Variants in GRID1 observed in about 807,000 individuals in gnomAD.
The protein encoded by GRID1 is glutamate ionotropic receptor delta type subunit 1, also known as glutamate receptor ionotropic, delta-1.
A neutral mutation model predicts 98.0 loss-of-function variants in GRID1; 28 were observed. The observed-to-expected ratio is 0.29, with a 90% CI of 0.21 to 0.39. The LOEUF (loss-of-function observed/expected upper bound fraction) is 0.39, where lower values mean the gene tolerates loss of function less well. GRID1 is among the 10% of genes least tolerant of loss of function. The pLI is 1.00. For missense variants in GRID1, 1,111 were observed against 1,340.5 expected (o/e 0.83, Z 2.67); for synonymous variants, 553 against 538.5 (o/e 1.03, Z -0.37).
Position 86,351,146 on chromosome 10 carries a change from C to T in GRID1, c.235+12795G>A, listed in dbSNP as rs76421617. 7.6e-3 allele frequency among the ~76,000 whole-genome samples: 1,158 copies of T among 152,324 alleles called. 17 individuals carry two copies. The highest frequency in any genetic ancestry group is 0.026 in the African/African-American group (1,094 of 41,560). On this transcript the variant is annotated intron_variant, in intron 2 of 15. Transcript: ENST00000327946. Reference sequence around the variant, plus strand: ...GTGAGATTCCTGGGCCAGCTGCAAGCGCCACTCAGGTGACTGTCCATGAGG... The same window carrying T: ...GTGAGATTCCTGGGCCAGCTGCAAGTGCCACTCAGGTGACTGTCCATGAGG...
intron 12 of GRID1, among the ~76,000 whole-genome samples, chr10:85,694,128 C>T (rs2132613906): frequency 6.6e-6 from 1 of 152,228 alleles, no homozygotes; most frequent in South Asian, 2.1e-4. Context: ...AATGAACAAA[C>T]ACTTTTCAAA....
intron 13 of GRID1, among the ~76,000 whole-genome samples, chr10:85,630,400 G>A (rs1198752585): frequency 6.6e-6 from 1 of 152,126 alleles, no homozygotes; most frequent in Non-Finnish European, 1.5e-5. Flanking sequence ...ACAACAACAC[G>A]TTATTCTCAT....
chr10:86,129,857 C>A (rs957166801), intron 4 of GRID1, among the ~76,000 whole-genome samples: 1 of 152,268 alleles, frequency 6.6e-6, no homozygotes, highest in African/African-American at 2.4e-5. Context: ...GGAGGAGTCT[C>A]TTTCCCCTGC....
intron 5 of GRID1, among the ~76,000 whole-genome samples, chr10:85,900,249 G>A (rs1011557547): frequency 7.2e-5 from 11 of 152,286 alleles, no homozygotes; most frequent in South Asian, 2.1e-4. Context: ...GTACATGTGC[G>A]TGCAGGCGCG....
At chr10:86,276,303 G>A (rs1692606657) in intron 2 of GRID1, among the ~76,000 whole-genome samples, 1 of 152,086 alleles carries the variant, frequency 6.6e-6, no homozygotes, top group South Asian at 2.1e-4. Flanking sequence ...GTTTATCTCA[G>A]TGACCAAATT....
intron 8 of GRID1, among the ~76,000 whole-genome samples, chr10:85,763,247 G>T (rs185068241): frequency 6.6e-6 from 1 of 152,076 alleles, no homozygotes. Context: ...TGGAATAAAG[G>T]AAGGCACACC....
chr10:85,805,091 A>G (rs1842611821), intron 8 of GRID1, among the ~76,000 whole-genome samples: 1 of 151,426 alleles, frequency 6.6e-6, no homozygotes, highest in African/African-American at 2.4e-5. Context: ...ATACTAGAAT[A>G]TAGGAACATA....
intron 6 of GRID1, among the ~76,000 whole-genome samples, 182 bp from the exon 7 acceptor site, chr10:85,856,372 A>G (rs1843109961): frequency 6.6e-6 from 1 of 152,172 alleles, no homozygotes; most frequent in African/African-American, 2.4e-5. Flanking sequence ...TAGAGTCCTG[A>G]ATGGAATAAG....
chr10:85,637,481 C>A (rs1050033004), intron 13 of GRID1, among the ~76,000 whole-genome samples: 1 of 152,130 alleles, frequency 6.6e-6, no homozygotes, highest in East Asian at 1.9e-4. Context: ...AAGCCCAAGA[C>A]CATGGGAGGC....
intron 4 of GRID1, among the ~76,000 whole-genome samples, chr10:86,085,488 C>T (rs1844039160): frequency 6.6e-6 from 1 of 152,192 alleles, no homozygotes; most frequent in East Asian, 1.9e-4. Flanking sequence ...GACATGTGTA[C>T]TCTCCCAATT....
At chr10:85,604,259 G>A (rs1218897909) in intron 15 of GRID1, among the ~76,000 whole-genome samples, 2 of 152,176 alleles carry the variant, frequency 1.3e-5, no homozygotes. Context: ...CTTCTGATGA[G>A]ACACCTGCTG....
chr10:86,207,690 G>A lies in GRID1; in HGVS notation c.236-1042C>T, dbSNP rs528368182. On this transcript the variant is annotated intron_variant, in intron 2 of 15. Coordinates refer to ENST00000327946, the MANE Select transcript of GRID1 (RefSeq NM_017551.3). ...TCTGTCGCCCAGGCTGGAGTGCAGT[G>A]GCGCGATCTCGACTCACTGCAAGCT... 1.0e-3 allele frequency among the ~76,000 whole-genome samples: 142 copies of A among 139,468 alleles called. 1 individual carries two copies. The highest frequency in any genetic ancestry group is 3.7e-3 in the African/African-American group (136 of 36,484). The allele number at this position is 139,468 out of a possible 152,430, so 91.5% of individuals were successfully genotyped here.
chr10:86,274,470 A>G (rs1462007889), intron 2 of GRID1, among the ~76,000 whole-genome samples: 2 of 151,944 alleles, frequency 1.3e-5, no homozygotes, highest in African/African-American at 4.8e-5. Context: ...AGCTTGATGG[A>G]GATGGCATTG....
At chr10:85,924,974 C>T (rs1212512145) in intron 4 of GRID1, among the ~76,000 whole-genome samples, 1 of 152,086 alleles carries the variant, frequency 6.6e-6, no homozygotes, top group Non-Finnish European at 1.5e-5. Flanking sequence ...GCAGGGAGTG[C>T]AATTTACTAT....
intron 2 of GRID1, among the ~76,000 whole-genome samples, chr10:86,304,777 A>C (rs1412328860): frequency 6.6e-6 from 1 of 152,230 alleles, no homozygotes; most frequent in African/African-American, 2.4e-5. Flanking sequence ...TCTTTGTCAG[A>C]GAAGCAGGGG....
chr10:85,672,371 A>G (rs1841096533), intron 12 of GRID1, among the ~76,000 whole-genome samples: 1 of 152,164 alleles, frequency 6.6e-6, no homozygotes, highest in Non-Finnish European at 1.5e-5. Context: ...GCAGTGGTGC[A>G]ATCTTGGCTC....
chr10:85,926,239 A>G (rs1042813515), intron 4 of GRID1, among the ~76,000 whole-genome samples: 1 of 152,060 alleles, frequency 6.6e-6, no homozygotes, highest in Non-Finnish European at 1.5e-5. Context: ...CTGGGGCATA[A>G]ACGATTGTTT....
intron 4 of GRID1, among the ~76,000 whole-genome samples, chr10:85,956,531 G>A (rs951845269): frequency 2.0e-5 from 3 of 152,306 alleles, no homozygotes; most frequent in South Asian, 2.1e-4. Context: ...GGCAGGTGGG[G>A]ATTAAGTGCG....
At chr10:85,936,675 C>T (rs144508719) in intron 4 of GRID1, among the ~76,000 whole-genome samples, 246 of 152,286 alleles carry the variant, frequency 1.6e-3, no homozygotes, top group African/African-American at 5.6e-3. Flanking sequence ...TTAAGAGCTT[C>T]CTTTAGCCTA....
Sources: allele counts gnomAD v4.1 joint callset (sites outside exome capture counted in the v4.1 genomes callset), GRCh38; gene constraint gnomAD v4.1.1; transcripts MANE v1.5; gene names NCBI Gene and HGNC (gene_info 2026-07-23, HGNC 2026-07-21).